The following TSPAN15 variants were observed in gnomAD, a reference collection of about 807,000 sequenced individuals.
TSPAN15 encodes tetraspanin-15.
TSPAN15 carries 20 observed loss-of-function variants against 34.5 expected under a neutral mutation model. The ratio of observed to expected loss-of-function variants is 0.58; its 90% CI spans 0.41 to 0.84. The LOEUF is 0.84. Ranked by LOEUF, TSPAN15 falls within the 40% of genes least tolerant of loss-of-function variation. The pLI is 0.00. For synonymous variants in TSPAN15, 155 were observed against 153.9 expected (o/e 1.01, Z -0.05); for missense variants, 313 against 386.1 (o/e 0.81, Z 1.59).
chr10:69,539,540 AGAAGG>A, the TSPAN15 span, among the ~76,000 whole-genome samples: 1,176 of 50,658 alleles, frequency 0.023, 36 homozygotes, highest in Middle Eastern at 0.042. Flanking sequence ...AAGAAGAAGG[AGAAGG>A]AGAAGGAGAA....
intron 1 of TSPAN15, among the ~76,000 whole-genome samples, chr10:69,476,979 T>C (rs1429192656): frequency 1.3e-5 from 2 of 152,064 alleles, no homozygotes; most frequent in South Asian, 4.2e-4. Flanking sequence ...GGACCTCCTA[T>C]CCTTGGTCTG....
chr10:69,463,907 T>C lies in TSPAN15; in HGVS notation c.96+12217T>C, dbSNP rs1841325610. Reference sequence around the variant, plus strand: ...AAGGGTTTTTGCAGATATAATTCAGTTCAAAATCTTGAAATGAAATCATCT... The same window carrying C: ...AAGGGTTTTTGCAGATATAATTCAGCTCAAAATCTTGAAATGAAATCATCT... On this transcript the variant is annotated intron_variant, in intron 1 of 7. Transcript: ENST00000373290. Among the ~76,000 whole-genome samples the C allele has an allele frequency of 2.0e-5, 3 of 152,268 alleles. No homozygotes were observed. The South Asian group carries it at 6.2e-4, about 32-fold the overall frequency.
At chr10:69,545,436 G>C in the TSPAN15 span, among the ~76,000 whole-genome samples, 1 of 152,176 alleles carries the variant, frequency 6.6e-6, no homozygotes, top group African/African-American at 2.4e-5. Context: ...AGTCCTCAGC[G>C]GGCTCACCGG....
At position 69,463,388 on chromosome 10, in the gene TSPAN15, G is replaced by A. The variant is rs1164864250; in HGVS notation, c.96+11698G>A. 2.0e-5 allele frequency among the ~76,000 whole-genome samples: 3 copies of A among 152,230 alleles called. No homozygotes were observed. In the South Asian group the frequency reaches 6.2e-4, roughly 32 times the overall value. On this transcript the variant is annotated intron_variant, in intron 1 of 7. Coordinates refer to ENST00000373290, the MANE Select transcript of TSPAN15 (RefSeq NM_012339.5). Reference sequence around the variant, plus strand: ...CTTCACAGATGGTGAAAGAGGGCCAGACAGGGGAGAGGACCTTGCTTGGGA... The same window carrying A: ...CTTCACAGATGGTGAAAGAGGGCCAAACAGGGGAGAGGACCTTGCTTGGGA...
chr10:69,455,613 TC>T (rs1405625233), intron 1 of TSPAN15, among the ~76,000 whole-genome samples: 183 of 102,834 alleles, frequency 1.8e-3, no homozygotes, highest in Non-Finnish European at 2.1e-3. Context: ...TCTTTCTCTC[TC>T]TCTCTCTCTC....
chr10:69,515,767 T>C, the TSPAN15 span, among the ~76,000 whole-genome samples: 28 of 152,196 alleles, frequency 1.8e-4, no homozygotes, highest in Middle Eastern at 3.4e-3. Flanking sequence ...GGCACAAACG[T>C]TCCCAGCAAG....
intron 1 of TSPAN15, among the ~76,000 whole-genome samples, chr10:69,480,439 G>A (rs1841709031): frequency 6.6e-6 from 1 of 152,172 alleles, no homozygotes; most frequent in African/African-American, 2.4e-5. Flanking sequence ...GACAGGGTGA[G>A]AATTACGCTT....
At chr10:69,508,640 T>TAACAAACA (rs138034580), downstream of TSPAN15, among the ~76,000 whole-genome samples, 3,276 of 151,880 alleles carry the variant, frequency 0.022, 118 homozygotes, top group African/African-American at 0.076. Context: ...AACACAACAA[T>TAACAAACA]AACAAACACA....
At chr10:69,539,507 A>G in the TSPAN15 span, among the ~76,000 whole-genome samples, 6 of 89,570 alleles carry the variant, frequency 6.7e-5, 1 homozygote, top group African/African-American at 2.6e-4. Flanking sequence ...AAGAAGAAGA[A>G]GAAGAAGAAG....
chr10:69,503,889 C>T (rs970534540), intron 5 of TSPAN15, among the ~76,000 whole-genome samples: 3 of 152,126 alleles, frequency 2.0e-5, no homozygotes, highest in South Asian at 4.1e-4. Context: ...AATCAGTAGT[C>T]GGGAGTTCTG....
At chr10:69,544,167 A>G in the TSPAN15 span, among the ~76,000 whole-genome samples, 1,101 of 152,246 alleles carry the variant, frequency 7.2e-3, 8 homozygotes, top group Non-Finnish European at 0.012. Context: ...TGAGTCATCA[A>G]AGGCCCATTA....
the TSPAN15 span, among the ~76,000 whole-genome samples, chr10:69,524,970 AG>A: frequency 2.0e-5 from 3 of 147,758 alleles, no homozygotes; most frequent in Non-Finnish European, 3.0e-5. Flanking sequence ...TAGTAAAGAC[AG>A]GGTTTCACCA....
intron 5 of TSPAN15, among the ~76,000 whole-genome samples, chr10:69,504,093 CTG>C: frequency 6.6e-6 from 1 of 152,202 alleles, no homozygotes; most frequent in East Asian, 1.9e-4. Flanking sequence ...ACCCCGACCT[CTG>C]AGACGGTGTG....
the TSPAN15 span, among the ~76,000 whole-genome samples, chr10:69,519,828 G>A: frequency 0.1 from 15,550 of 152,148 alleles, 1,218 homozygotes; most frequent in East Asian, 0.42. Flanking sequence ...TGCCTCCCGG[G>A]TTCAATCAAT....
chr10:69,535,739 C>A, the TSPAN15 span, among the ~76,000 whole-genome samples: 1 of 152,244 alleles, frequency 6.6e-6, no homozygotes, highest in Non-Finnish European at 1.5e-5. Flanking sequence ...TCTCATCTGA[C>A]ACATGCCCTT....
rs763916100 is a variant in TSPAN15, at chr10:69,495,693, A to G, written c.453+4A>G. ...CATGGACTTTGTTCAGAAAAAGGTG[A>G]GCCAGGCGCTTTGGGGTAGAGATGC... On this transcript the variant is annotated splice_donor_region_variant and intron_variant, in intron 4 of 7. Transcript: ENST00000373290. 6.2e-7 allele frequency: 1 copy of G among 1,611,418 alleles called. No homozygotes were observed. Among genetic ancestry groups the G allele is most frequent in the Non-Finnish European group, 8.5e-7 (1 of 1,177,574 alleles).
chr10:69,455,574 T>TC (rs1260817052), intron 1 of TSPAN15, among the ~76,000 whole-genome samples: 2 of 113,842 alleles, frequency 1.8e-5, no homozygotes, highest in African/African-American at 7.5e-5. Context: ...TTTCTTTCTC[T>TC]TTTCTTTCTT....
chr10:69,518,399 G>C, the TSPAN15 span, among the ~76,000 whole-genome samples: 1 of 152,028 alleles, frequency 6.6e-6, no homozygotes, highest in Non-Finnish European at 1.5e-5. Context: ...GGAATAAATA[G>C]AAGTTATTAA....
chr10:69,515,451 C>T, the TSPAN15 span, among the ~76,000 whole-genome samples: 2 of 152,200 alleles, frequency 1.3e-5, no homozygotes, highest in Middle Eastern at 3.2e-3. Context: ...TCCTCCCCCA[C>T]CTTCCCATCT....
Sources: allele counts gnomAD v4.1 joint callset (sites outside exome capture counted in the v4.1 genomes callset), GRCh38; gene constraint gnomAD v4.1.1; transcripts MANE v1.5; gene names NCBI Gene and HGNC (gene_info 2026-07-23, HGNC 2026-07-21).